Variants in GPR83 observed in about 807,000 individuals in gnomAD.
GPR83 encodes G-protein coupled receptor 72.
In GPR83, 23 loss-of-function variants were observed where a neutral mutation model predicts 28.0. That is an observed-to-expected ratio of 0.82 (90% CI 0.59 to 1.16). The LOEUF (loss-of-function observed/expected upper bound fraction) is 1.16. Among genes scored for constraint, GPR83 ranks in the 50% most tolerant of loss-of-function variants. The pLI is 0.00. For missense variants in GPR83, 610 were observed against 536.6 expected (o/e 1.14, Z -1.35); for synonymous variants, 234 against 215.4 (o/e 1.09, Z -0.76).
chr11:94,397,948 T>C (rs1944881078), intron 1 of GPR83, among the ~76,000 whole-genome samples: 1 of 152,228 alleles, frequency 6.6e-6, no homozygotes, highest in Non-Finnish European at 1.5e-5. Flanking sequence ...GGAGGAGCCA[T>C]TGAGGCTTTT....
intron 3 of GPR83, among the ~76,000 whole-genome samples, chr11:94,384,450 G>T (rs1300225602): frequency 6.6e-6 from 1 of 152,206 alleles, no homozygotes; most frequent in Non-Finnish European, 1.5e-5. Flanking sequence ...ATTTCCAAGA[G>T]AGGTACCGGG....
chr11:94,386,947 T>C (rs1213846133), intron 3 of GPR83, among the ~76,000 whole-genome samples: 4 of 152,074 alleles, frequency 2.6e-5, no homozygotes, highest in Non-Finnish European at 5.9e-5. Context: ...CCTCAGCAAA[T>C]GTAAAAGAAC....
Position 94,380,826 on chromosome 11 carries a change from T to C in GPR83, c.648-53A>G, listed in dbSNP as rs957303771. 1.0e-5 allele frequency: 15 copies of C among 1,504,114 alleles called. No homozygotes were observed. The South Asian group carries it at 1.5e-4, about 15-fold the overall frequency. 93.2% of individuals were successfully genotyped at this position (1,504,114 alleles called of 1,614,324 possible). A position where few individuals can be genotyped will look rare whatever the true frequency, so the allele number is the denominator to read the frequency against. On this transcript the variant is annotated intron_variant, in intron 3 of 3. Transcript: ENST00000243673. ...AGAGGTAACAGAAAGGAGATATTAG[T>C]GTGGAAAGGCTTCATCCCAAGAAGC... is the stretch of plus-strand genomic sequence containing the variant.
chr11:94,381,009 C>T (rs1386638709), intron 3 of GPR83, among the ~76,000 whole-genome samples: 1 of 152,136 alleles, frequency 6.6e-6, no homozygotes. Flanking sequence ...TTCTCTTAAT[C>T]TTGTGCAATT....
At chr11:94,391,499 A>G (rs1050588458) in intron 3 of GPR83, among the ~76,000 whole-genome samples, 3 of 152,246 alleles carry the variant, frequency 2.0e-5, no homozygotes, top group African/African-American at 7.2e-5. Flanking sequence ...GAGCTTCTAC[A>G]CAGCACAAGA....
Position 94,401,075 on chromosome 11 carries a change from C to T in GPR83, c.173G>A (p.Arg58Lys), listed in dbSNP as rs199518042. ...TFSDWQNFVG[R>K]RRYGAESQNP... is the part of the protein sequence containing the mutation. Reference sequence around the variant, plus strand: ...CTGGGACTCAGCGCCGTAGCGCCTCCTGCCCACAAAGTTCTGCCAGTCGGA... The same window carrying T: ...CTGGGACTCAGCGCCGTAGCGCCTCTTGCCCACAAAGTTCTGCCAGTCGGA... Residue 58 changes from arginine to lysine, a missense_variant, in exon 1 of 4, where the codon AGG becomes AAG. Arg to Lys is a conservative substitution (Grantham distance 26, BLOSUM62 2). Coordinates refer to ENST00000243673, the MANE Select transcript of GPR83 (RefSeq NM_016540.4). 1.7e-5 allele frequency: 28 copies of T among 1,614,118 alleles called. No homozygotes were observed. The highest frequency in any genetic ancestry group is 2.2e-5 in the Non-Finnish European group (26 of 1,180,038).
intron 3 of GPR83, among the ~76,000 whole-genome samples, chr11:94,385,880 C>A (rs1400196685): frequency 1.3e-5 from 2 of 152,090 alleles, no homozygotes; most frequent in South Asian, 4.1e-4. Context: ...AAGAGCAACT[C>A]CAAGACACAT....
chr11:94,397,474 G>A (rs1944877340), intron 1 of GPR83, among the ~76,000 whole-genome samples: 2 of 152,186 alleles, frequency 1.3e-5, no homozygotes, highest in African/African-American at 4.8e-5. Flanking sequence ...GAGGCACAGA[G>A]GCATAGAAAT....
At chr11:94,381,340 T>A (rs1462053553) in intron 3 of GPR83, among the ~76,000 whole-genome samples, 4 of 152,018 alleles carry the variant, frequency 2.6e-5, no homozygotes, top group African/African-American at 7.3e-5. Flanking sequence ...CTGGTGGTCA[T>A]CACTAACAAA....
At position 94,388,167 on chromosome 11, in the gene GPR83, G is replaced by T. The variant is rs182949016; in HGVS notation, c.647+5318C>A. Among the ~76,000 whole-genome samples the T allele has an allele frequency of 8.8e-3, 1,343 of 152,212 alleles. 11 individuals are homozygous for T. Among genetic ancestry groups the T allele is most frequent in the Middle Eastern group, 0.024 (7 of 294 alleles). On this transcript the variant is annotated intron_variant, in intron 3 of 3. Coordinates refer to ENST00000243673, the MANE Select transcript of GPR83 (RefSeq NM_016540.4). The stretch of plus-strand genomic sequence containing the variant: ...TCAGTAAATTAGGTATTGATGGGAC[G>T]TATCTCAAAATAATAAGAGCTATCT...
chr11:94,386,287 C>A (rs1032168109), intron 3 of GPR83, among the ~76,000 whole-genome samples: 2 of 152,118 alleles, frequency 1.3e-5, no homozygotes, highest in African/African-American at 4.8e-5. Context: ...GAAACTGCAC[C>A]AACTAATGAG....
Position 94,393,482 on chromosome 11 carries a change from C to T in GPR83, c.647+3G>A, listed in dbSNP as rs1223145623. ...CAGGCAGATCCCAACGAATTCATCTCACCTGTATTTGAAGGTAAATAATTT... is the reference window on the plus strand; with the variant it reads ...CAGGCAGATCCCAACGAATTCATCTTACCTGTATTTGAAGGTAAATAATTT... On this transcript the variant is annotated splice_donor_region_variant and intron_variant, in intron 3 of 3. Transcript: ENST00000243673. 2 of 1,613,844 alleles carry T rather than the reference C, an allele frequency of 1.2e-6. No homozygotes were observed. Among genetic ancestry groups the T allele is most frequent in the Non-Finnish European group, 1.7e-6 (2 of 1,179,880 alleles).
intron 3 of GPR83, among the ~76,000 whole-genome samples, chr11:94,385,752 G>C (rs1944747771): frequency 6.6e-6 from 1 of 152,200 alleles, no homozygotes; most frequent in African/African-American, 2.4e-5. Flanking sequence ...GGGGAGAATG[G>C]AACCAAGTTG....
chr11:94,401,343 A>G lies in GPR83; in HGVS notation c.-96T>C, dbSNP rs1439553829. 8.7e-6 allele frequency: 11 copies of G among 1,259,876 alleles called. No individual in the cohort carries two copies. In the East Asian group the frequency reaches 2.7e-4, roughly 31 times the overall value. 78.0% of individuals were successfully genotyped at this position (1,259,876 alleles called of 1,614,324 possible). A position where few individuals can be genotyped will look rare whatever the true frequency, so the allele number is the denominator to read the frequency against. ...AGCCGGGGTGCGGGGCGCACAGCAT[A>G]CAAGGCCGTCCCGAGGAGCCAGGGA... On this transcript the variant is annotated 5_prime_UTR_variant, in exon 1 of 4. Coordinates refer to ENST00000243673, the MANE Select transcript of GPR83 (RefSeq NM_016540.4).
Position 94,380,784 on chromosome 11 carries a change from G to A in GPR83, c.648-11C>T. ...CGCACAATGTCCTCACTGGGGGCAG[G>A]AAGTGGGGAGGGGGAGAGAGGTAAC... is the stretch of plus-strand genomic sequence containing the variant. On this transcript the variant is annotated splice_polypyrimidine_tract_variant and intron_variant, in intron 3 of 3. Coordinates refer to ENST00000243673, the MANE Select transcript of GPR83 (RefSeq NM_016540.4). 1 of 1,599,012 alleles carries A rather than the reference G, an allele frequency of 6.3e-7. No individual in the cohort carries two copies. Among genetic ancestry groups the A allele is most frequent in the East Asian group, 2.2e-5 (1 of 44,674 alleles).
chr11:94,388,285 C>T (rs1412427152), intron 3 of GPR83, among the ~76,000 whole-genome samples: 2 of 152,194 alleles, frequency 1.3e-5, no homozygotes, highest in Non-Finnish European at 2.9e-5. Context: ...CCCTCTCTCA[C>T]CACTCCTATT....
rs561629096 is a variant in GPR83 at position 94,389,587 on chromosome 11, C to T, written c.647+3898G>A. Among the ~76,000 whole-genome samples, 519 of 152,290 alleles carry T rather than the reference C, an allele frequency of 3.4e-3. 3 individuals are homozygous for T. The highest frequency in any genetic ancestry group is 0.011 in the African/African-American group (441 of 41,552). On this transcript the variant is annotated intron_variant, in intron 3 of 3. Coordinates refer to ENST00000243673, the MANE Select transcript of GPR83 (RefSeq NM_016540.4). Reference sequence around the variant, plus strand: ...TGAAAAAATGCTCATTATCACTGGCCATCAGAGAAATGCAAATCAAAACCA... The same window carrying T: ...TGAAAAAATGCTCATTATCACTGGCTATCAGAGAAATGCAAATCAAAACCA...
intron 3 of GPR83, among the ~76,000 whole-genome samples, chr11:94,386,485 A>T (rs576687782): frequency 8.5e-5 from 13 of 152,204 alleles, no homozygotes; most frequent in South Asian, 6.2e-4. Context: ...ATGGGCTCAA[A>T]ATAAAGGGAT....
Position 94,396,488 on chromosome 11 carries a change from C to A in GPR83, c.424G>T (p.Gly142Cys), listed in dbSNP as rs980819838. The A allele has an allele frequency of 6.8e-6, 11 of 1,613,852 alleles. No individual in the cohort carries two copies. The African/African-American group carries it at 1.2e-4, about 18-fold the overall frequency. The change falls in exon 2 of 4, where the codon GGC (glycine) becomes TGC (cysteine). Residue 142 changes from glycine to cysteine, a missense_variant. By Grantham distance (159) the Gly-to-Cys change is radical. Coordinates refer to ENST00000243673, the MANE Select transcript of GPR83 (RefSeq NM_016540.4). ...GCAAAGCGGCTGACATGGCACATGCCCTTCCCAAATATCCATGTGCTGTTC... is the reference window on the plus strand; with the variant it reads ...GCAAAGCGGCTGACATGGCACATGCACTTCCCAAATATCCATGTGCTGTTC... Reference protein sequence around the residue: ...FVNSTWIFGKGMCHVSRFAQY... With the variant: ...FVNSTWIFGKCMCHVSRFAQY...
Sources: allele counts gnomAD v4.1 joint callset (sites outside exome capture counted in the v4.1 genomes callset), GRCh38; gene constraint gnomAD v4.1.1; transcripts MANE v1.5; gene names NCBI Gene and HGNC (gene_info 2026-07-23, HGNC 2026-07-21).